The following ZDHHC14 variants were observed in gnomAD, a reference collection of about 807,000 sequenced individuals.
The protein encoded by ZDHHC14 is zDHHC palmitoyltransferase 14.
Under a neutral mutation model 47.7 loss-of-function variants are expected in ZDHHC14, and 16 were observed. The observed-to-expected ratio is 0.34, with a 90% confidence interval of 0.23 to 0.51. The LOEUF (loss-of-function observed/expected upper bound fraction) is 0.51, where lower values mean the gene tolerates loss of function less well. Among genes scored for constraint, ZDHHC14 ranks in the 20% least tolerant of loss-of-function variants. The probability of loss-of-function intolerance (pLI) is 0.97; values close to 1 mark genes in which losing one functional copy is unlikely to be tolerated. For missense variants in ZDHHC14, 515 were observed against 662.5 expected (o/e 0.78, Z 2.44); for synonymous variants, 293 against 278.9 (o/e 1.05, Z -0.50).
intron 3 of ZDHHC14, among the ~76,000 whole-genome samples, chr6:157,622,587 G>T (rs548091137): frequency 3.3e-5 from 5 of 152,090 alleles, no homozygotes; most frequent in Admixed American, 2.0e-4. Flanking sequence ...GTACCCCATG[G>T]AGCTTGAGTA....
chr6:157,604,181 G>C (rs1056775111), intron 3 of ZDHHC14, among the ~76,000 whole-genome samples: 2 of 151,926 alleles, frequency 1.3e-5, no homozygotes, highest in African/African-American at 4.8e-5. Context: ...CAACTACCCA[G>C]GAGGCTGAGG....
intron 5 of ZDHHC14, among the ~76,000 whole-genome samples, chr6:157,639,414 C>T (rs575605052): frequency 1.6e-4 from 24 of 152,330 alleles, no homozygotes; most frequent in South Asian, 1.0e-3. Flanking sequence ...AAGCTATTCT[C>T]CTGCCTCTGC....
intron 1 of ZDHHC14, among the ~76,000 whole-genome samples, chr6:157,413,476 G>A (rs930231735): frequency 1.3e-5 from 2 of 152,098 alleles, no homozygotes; most frequent in African/African-American, 2.4e-5. Flanking sequence ...TCAGGAAGGG[G>A]AATTTCTTAT....
chr6:157,514,242 C>T (rs892081659), intron 1 of ZDHHC14, among the ~76,000 whole-genome samples: 4 of 152,204 alleles, frequency 2.6e-5, no homozygotes, highest in East Asian at 1.9e-4. Flanking sequence ...GGCAGAGTTA[C>T]GTGTAAACAA....
intron 1 of ZDHHC14, among the ~76,000 whole-genome samples, chr6:157,460,904 A>G (rs1779066206): frequency 6.6e-6 from 1 of 152,132 alleles, no homozygotes; most frequent in Non-Finnish European, 1.5e-5. Flanking sequence ...CCCTGCTAGC[A>G]CGGGTTGGCA....
At chr6:157,653,748 C>T (rs1777952873) in intron 8 of ZDHHC14, 121 bp downstream of exon 8, 4 of 863,976 alleles carry the variant, frequency 4.6e-6, no homozygotes, top group East Asian at 2.7e-5. Flanking sequence ...CACAGCCGCC[C>T]ACCCCATGAC....
At chr6:157,402,184 A>G (rs1236146278) in intron 1 of ZDHHC14, among the ~76,000 whole-genome samples, 1 of 150,484 alleles carries the variant, frequency 6.6e-6, no homozygotes, top group Middle Eastern at 3.4e-3. Flanking sequence ...TGCTGAGGTC[A>G]TAACTGCAGA....
chr6:157,622,453 T>C (rs113878205), intron 3 of ZDHHC14, among the ~76,000 whole-genome samples: 4,817 of 152,232 alleles, frequency 0.032, 144 homozygotes, highest in African/African-American at 0.089. Context: ...GTTCACAAAA[T>C]AGGACCATAG....
chr6:157,442,657 C>T (rs1157761831), intron 1 of ZDHHC14, among the ~76,000 whole-genome samples: 1 of 152,182 alleles, frequency 6.6e-6, no homozygotes, highest in Admixed American at 6.5e-5. Flanking sequence ...ATGTAGAAAG[C>T]GTACCCTGGA....
At chr6:157,520,083 A>C (rs1780861053) in intron 1 of ZDHHC14, among the ~76,000 whole-genome samples, 1 of 152,170 alleles carries the variant, frequency 6.6e-6, no homozygotes, top group Non-Finnish European at 1.5e-5. Flanking sequence ...TGCCCCCCAG[A>C]TCTAAAGTGT....
chr6:157,588,278 T>C (rs557853389), intron 2 of ZDHHC14, among the ~76,000 whole-genome samples: 5 of 150,990 alleles, frequency 3.3e-5, no homozygotes, highest in South Asian at 4.2e-4. Flanking sequence ...AATAAATATA[T>C]AAATAAATAA....
At chr6:157,517,397 G>C (rs867664333) in intron 1 of ZDHHC14, among the ~76,000 whole-genome samples, 9 of 150,700 alleles carry the variant, frequency 6.0e-5, no homozygotes, top group Admixed American at 2.0e-4. Context: ...TATAACCTCC[G>C]CCTCCCGGGT....
At chr6:157,515,564 C>T (rs925636444) in intron 1 of ZDHHC14, among the ~76,000 whole-genome samples, 2 of 150,938 alleles carry the variant, frequency 1.3e-5, no homozygotes, top group Non-Finnish European at 2.9e-5. Flanking sequence ...CCCGAGTTCA[C>T]GCCATTCTCC....
intron 1 of ZDHHC14, among the ~76,000 whole-genome samples, chr6:157,515,915 TGTGAAGG>T (rs1437540921): frequency 6.6e-5 from 10 of 152,150 alleles, no homozygotes; most frequent in Admixed American, 1.3e-4. Context: ...ATGTACAAAT[TGTGAAGG>T]TACAGCTCGA....
chr6:157,478,965 C>T (rs553914020), intron 1 of ZDHHC14, among the ~76,000 whole-genome samples: 2 of 152,294 alleles, frequency 1.3e-5, no homozygotes, highest in South Asian at 2.1e-4. Flanking sequence ...GGGTTGGTTC[C>T]CATGCCAACC....
At chr6:157,508,997 C>T (rs1780396956) in intron 1 of ZDHHC14, among the ~76,000 whole-genome samples, 1 of 152,114 alleles carries the variant, frequency 6.6e-6, no homozygotes, top group Admixed American at 6.6e-5. Context: ...CACAAGTTCC[C>T]GTTTCTTCCC....
intron 1 of ZDHHC14, among the ~76,000 whole-genome samples, chr6:157,522,139 C>T (rs532706436): frequency 8.1e-4 from 123 of 152,248 alleles, no homozygotes; most frequent in African/African-American, 2.4e-3. Context: ...TGAATGACGT[C>T]CTTCAATGAC....
intron 1 of ZDHHC14, among the ~76,000 whole-genome samples, chr6:157,455,122 C>T (rs527862949): frequency 2.6e-5 from 4 of 152,336 alleles, no homozygotes; most frequent in Admixed American, 1.3e-4. Flanking sequence ...CAGCAAAAAG[C>T]TTTTAGGAGT....
chr6:157,663,784 A>T (rs1164560530), intron 8 of ZDHHC14, among the ~76,000 whole-genome samples: 1 of 152,122 alleles, frequency 6.6e-6, no homozygotes, highest in African/African-American at 2.4e-5. Context: ...CACGGGGCTC[A>T]CCACTTCCCA....
Sources: gnomAD v4.1 joint callset for allele counts (sites outside exome capture counted in the v4.1 genomes callset) on GRCh38, gnomAD v4.1.1 for gene constraint, MANE v1.5 for transcripts, NCBI Gene and HGNC (gene_info 2026-07-23, HGNC 2026-07-21) for gene names.